FGL1: variants seen among roughly 807,000 people sequenced by gnomAD.
FGL1 encodes the protein fibrinogen like 1, also known as fibrinogen-like protein 1.
In FGL1, 59 loss-of-function variants were observed where a neutral mutation model predicts 43.7. That is an observed-to-expected ratio of 1.35 (90% confidence interval 1.10 to 1.68). The LOEUF is 1.68. Ranked by LOEUF, FGL1 falls within the 40% of genes most tolerant of loss-of-function variation. The pLI is 0.00. For synonymous variants in FGL1, 192 were observed against 126.5 expected, an observed-to-expected ratio of 1.52 and a Z score of -3.48; for missense variants, 596 against 373.0, an observed-to-expected ratio of 1.60 and a Z score of -4.92.
rs200563059 is a variant in FGL1 at position 17,868,721 on chromosome 8, C to G, written c.606G>C (p.Leu202Phe). Reference sequence around the variant, plus strand: ...CTGTTCCAGAATATTCCCCAATATTCAACTCGTAGAAATTCTAAAGAAAAA... The same window carrying G: ...CTGTTCCAGAATATTCCCCAATATTGAACTCGTAGAAATTCTAAAGAAAAA... ...KVGDEKNFYE[L>F]NIGEYSGTAG... The change falls in exon 7 of 8, where the codon TTG (leucine) becomes TTC (phenylalanine). Residue 202 changes from leucine (L) to phenylalanine (F), a missense_variant. Transcript: ENST00000427924. 5 of 1,610,894 alleles carry G rather than the reference C, an allele frequency of 3.1e-6. No individual in the cohort carries two copies. Among genetic ancestry groups the G allele is most frequent in the Non-Finnish European group, 4.2e-6 (5 of 1,178,610 alleles).
chr8:17,882,730 C>T (rs1265834370), intron 2 of FGL1: 10 of 112,512 alleles, frequency 8.9e-5, no homozygotes, highest in African/African-American at 3.9e-4. Context: ...ATTATATATG[C>T]ATATAAATAA....
intron 2 of FGL1, 158 bp from the exon 3 acceptor site, chr8:17,882,337 CCTA>C: frequency 1.8e-6 from 1 of 568,008 alleles, no homozygotes; most frequent in Non-Finnish European, 2.9e-6. Flanking sequence ...TCTAATACTG[CCTA>C]CTATTTGAAG....
rs1459214433 is a variant in FGL1 at position 17,864,719 on chromosome 8, T to C, written c.812A>G (p.Tyr271Cys). Residue 271 changes from tyrosine to cysteine, a missense_variant, in exon 8 of 8, where the codon TAC (tyrosine) becomes TGC (cysteine). Physicochemically the swap from Tyr to Cys is radical, Grantham distance 194 (BLOSUM62 -2). Coordinates refer to ENST00000427924, the MANE Select transcript of FGL1 (RefSeq NM_004467.4). ...CHSANLNGVYYSGPYTAKTDN... is the reference protein window; with the variant it reads ...CHSANLNGVYCSGPYTAKTDN... The stretch of plus-strand genomic sequence containing the variant: ...TGTTTTAGCCGTGTAGGGGCCGCTG[T>C]AGTATACACCATTCAGGTTTGCAGA... 4 of 1,600,270 alleles carry C rather than the reference T, an allele frequency of 2.5e-6. No homozygotes were observed. The highest frequency in any genetic ancestry group is 2.3e-5 in the South Asian group (2 of 88,322).
chr8:17,879,845 A>G (rs2053508554), intron 3 of FGL1, among the ~76,000 whole-genome samples: 1 of 152,114 alleles, frequency 6.6e-6, no homozygotes, highest in Non-Finnish European at 1.5e-5. Context: ...CTGGGAACAA[A>G]CATCTGATTA....
chr8:17,883,372 A>G (rs1393572475), intron 2 of FGL1, among the ~76,000 whole-genome samples: 1 of 43,536 alleles, frequency 2.3e-5, no homozygotes, highest in South Asian at 9.5e-4. Flanking sequence ...TATAATATAT[A>G]AAATAATATA....
chr8:17,890,548 G>T (rs2053689360), intron 1 of FGL1, among the ~76,000 whole-genome samples: 1 of 152,084 alleles, frequency 6.6e-6, no homozygotes, highest in South Asian at 2.1e-4. Flanking sequence ...CTTTGCTCAG[G>T]TATTCCCTTC....
At chr8:17,871,324 T>G (rs913508882) in intron 5 of FGL1, among the ~76,000 whole-genome samples, 2 of 151,888 alleles carry the variant, frequency 1.3e-5, no homozygotes, top group Non-Finnish European at 2.9e-5. Context: ...GAGACCACCG[T>G]CTCTACTAAA....
chr8:17,873,146 C>T (rs923681900), intron 5 of FGL1, among the ~76,000 whole-genome samples: 2 of 152,126 alleles, frequency 1.3e-5, no homozygotes, highest in African/African-American at 4.8e-5. Flanking sequence ...CATAATATGT[C>T]TTCATAGCTC....
At chr8:17,867,807 G>A (rs1311640106) in intron 7 of FGL1, among the ~76,000 whole-genome samples, 2 of 152,172 alleles carry the variant, frequency 1.3e-5, no homozygotes, top group South Asian at 2.1e-4. Context: ...GCAGGGTGCG[G>A]TGGCTCACGC....
At position 17,874,132 on chromosome 8, in the gene FGL1, T is replaced by C. The variant is rs767478579; in HGVS notation, c.405-16A>G. Reference sequence around the variant, plus strand: ...TTTCCATCCTCTAAAAAAGGTAAAGTGGAAGCCGATTAGAGCAAACTCCAT... The same window carrying C: ...TTTCCATCCTCTAAAAAAGGTAAAGCGGAAGCCGATTAGAGCAAACTCCAT... On this transcript the variant is annotated splice_polypyrimidine_tract_variant and intron_variant, in intron 4 of 7. Transcript: ENST00000427924. 3 of 1,599,950 alleles carry C rather than the reference T, an allele frequency of 1.9e-6. No individual in the cohort carries two copies. The highest frequency in any genetic ancestry group is 2.6e-6 in the Non-Finnish European group (3 of 1,169,672).
intron 1 of FGL1, 163 bp downstream of exon 1, chr8:17,895,284 C>T: frequency 9.6e-7 from 1 of 1,041,934 alleles, no homozygotes; most frequent in Non-Finnish European, 1.2e-6. Flanking sequence ...ATACATAATT[C>T]TAAATCTCTT....
At chr8:17,878,782 GAAGAA>G (rs1287509245) in intron 3 of FGL1, among the ~76,000 whole-genome samples, 1 of 151,874 alleles carries the variant, frequency 6.6e-6, no homozygotes. Flanking sequence ...TTGTAAATAA[GAAGAA>G]AAGATTTATA....
intron 1 of FGL1, chr8:17,895,097 C>T (rs2053755681): frequency 5.3e-6 from 1 of 187,428 alleles, no homozygotes; most frequent in Admixed American, 6.5e-5. Context: ...AACAATAAAG[C>T]ATTTCAAAAT....
intron 5 of FGL1, among the ~76,000 whole-genome samples, chr8:17,871,901 C>T (rs2053368103): frequency 6.6e-6 from 1 of 152,124 alleles, no homozygotes; most frequent in African/African-American, 2.4e-5. Context: ...ATCATAATAA[C>T]TTAAAAAATA....
At chr8:17,885,028 TA>T (rs1192562645) in intron 2 of FGL1, among the ~76,000 whole-genome samples, 1 of 151,094 alleles carries the variant, frequency 6.6e-6, no homozygotes, top group Admixed American at 6.6e-5. Flanking sequence ...ACTTTTTATT[TA>T]AAAAAATGTA....
At chr8:17,894,650 T>C (rs34652440) in intron 1 of FGL1, among the ~76,000 whole-genome samples, 6,043 of 146,654 alleles carry the variant, frequency 0.041, 419 homozygotes, top group Middle Eastern at 0.1. Context: ...TCATTCAAAA[T>C]GTAAAGGAAA....
upstream of FGL1, chr8:17,895,532 T>C (rs528098985): frequency 7.8e-6 from 10 of 1,286,890 alleles, no homozygotes; most frequent in Non-Finnish European, 1.0e-5. Context: ...ATTGGGAATT[T>C]GTAATTATTT....
intron 3 of FGL1, among the ~76,000 whole-genome samples, chr8:17,879,578 C>T (rs966894032): frequency 6.6e-6 from 1 of 151,978 alleles, no homozygotes; most frequent in African/African-American, 2.4e-5. Context: ...AGTGTCGCAC[C>T]TCCTCCCTCT....
intron 3 of FGL1, among the ~76,000 whole-genome samples, chr8:17,878,278 T>G (rs1263370153): frequency 6.6e-6 from 1 of 152,224 alleles, no homozygotes; most frequent in Non-Finnish European, 1.5e-5. Flanking sequence ...TTTGAATATA[T>G]TTTAATCCTT....
Sources: gnomAD v4.1 joint callset for allele counts (sites outside exome capture counted in the v4.1 genomes callset) on GRCh38, gnomAD v4.1.1 for gene constraint, MANE v1.5 for transcripts, NCBI Gene and HGNC (gene_info 2026-07-23, HGNC 2026-07-21) for gene names.